The following DPYSL4 variants were observed in gnomAD, a reference collection of about 807,000 sequenced individuals.
DPYSL4 encodes the protein dihydropyrimidinase like 4.
DPYSL4 carries 43 observed loss-of-function variants against 63.4 expected under a neutral mutation model. The ratio of observed to expected loss-of-function variants is 0.68; its 90% CI spans 0.53 to 0.88. DPYSL4 has a LOEUF of 0.88. DPYSL4 is among the 40% of genes least tolerant of loss of function. The pLI is 0.00. For synonymous variants in DPYSL4, 353 were observed against 331.7 expected, an observed-to-expected ratio of 1.06 and a Z score of -0.70; for missense variants, 733 against 819.5, an observed-to-expected ratio of 0.89 and a Z score of 1.29.
At chr10:132,189,932 C>T (rs551588104) in intron 1 of DPYSL4, among the ~76,000 whole-genome samples, 1 of 152,358 alleles carries the variant, frequency 6.6e-6, no homozygotes, top group East Asian at 1.9e-4. Context: ...GCCTCTGGCA[C>T]CACCACCCCA....
chr10:132,192,491 G>A, intron 2 of DPYSL4, 167 bp from the exon 3 acceptor site: 1 of 1,381,432 alleles, frequency 7.2e-7, no homozygotes, highest in Non-Finnish European at 9.3e-7. Flanking sequence ...GTGATGCTTT[G>A]CTCCCTGGCA....
Position 132,186,994 on chromosome 10 carries a change from TCCCCCCGCCCGCCCGCCCGCCCGC to T in DPYSL4, c.-67_-44del. ...CCACGCACGCGTCCCGGCTCACGCG[TCCCCCCGCCCGCCCGCCCGCCCGC>T]CCGCCCCCGCTTGTGCCGCCCCTAC... On this transcript the variant is annotated 5_prime_UTR_variant, in exon 1 of 14. Coordinates refer to ENST00000338492, the MANE Select transcript of DPYSL4 (RefSeq NM_006426.3). 1.8e-5 allele frequency: 4 copies of T among 217,372 alleles called. No individual in the cohort carries two copies. Among genetic ancestry groups the T allele is most frequent in the African/African-American group, 3.3e-5 (1 of 30,502 alleles). The allele number at this position is 217,372 out of a possible 1,614,324, so 13.5% of individuals were successfully genotyped here. A position where few individuals can be genotyped will look rare whatever the true frequency, so the allele number is the denominator to read the frequency against.
chr10:132,200,275 G>C, intron 8 of DPYSL4, 81 bp from the exon 9 acceptor site: 2 of 1,538,782 alleles, frequency 1.3e-6, no homozygotes, highest in Non-Finnish European at 1.8e-6. Context: ...GGGCAGTCGT[G>C]GGTGTCAGCA....
intron 4 of DPYSL4, among the ~76,000 whole-genome samples, chr10:132,195,387 C>T (rs111432671): frequency 0.011 from 1,695 of 152,330 alleles, 29 homozygotes; most frequent in African/African-American, 0.038. Flanking sequence ...AATGCTAAAA[C>T]AGATCAGTCT....
intron 13 of DPYSL4, among the ~76,000 whole-genome samples, chr10:132,204,304 G>A (rs1366121482): frequency 3.9e-5 from 6 of 152,326 alleles, no homozygotes; most frequent in African/African-American, 1.2e-4. Flanking sequence ...AGAACCAAGC[G>A]TGAGGCACAA....
At chr10:132,187,895 G>T (rs2061826823) in intron 1 of DPYSL4, among the ~76,000 whole-genome samples, 1 of 152,226 alleles carries the variant, frequency 6.6e-6, no homozygotes, top group African/African-American at 2.4e-5. Flanking sequence ...TCGGGACCCG[G>T]CAGGACCTGG....
chr10:132,201,744 C>T (rs909252362), intron 10 of DPYSL4, among the ~76,000 whole-genome samples: 2 of 152,126 alleles, frequency 1.3e-5, no homozygotes, highest in African/African-American at 4.8e-5. Context: ...GGGGTCCCAG[C>T]GGTCCAGCAT....
rs772317961 is a variant in DPYSL4 at position 132,202,839 on chromosome 10, C to T, written c.1461+14C>T. 20 of 1,573,414 alleles carry T rather than the reference C, an allele frequency of 1.3e-5. No individual in the cohort carries two copies. In the East Asian group the frequency reaches 1.6e-4, roughly 12 times the overall value. On this transcript the variant is annotated intron_variant, in intron 12 of 13. Transcript: ENST00000338492. ...GCTCGCAACAGGGTAGGGCGGCACC[C>T]GCAAGGGTGTTGTGCAGGTAGGCAG...
chr10:132,198,457 G>T lies in DPYSL4; in HGVS notation c.664G>T (p.Gly222Cys), dbSNP rs2061972032. 6.2e-7 allele frequency: 1 copy of T among 1,606,486 alleles called. No individual in the cohort carries two copies. Among genetic ancestry groups the T allele is most frequent in the Non-Finnish European group, 8.5e-7 (1 of 1,178,268 alleles). ...GGAGCTCGGCATCACTGGCCCCGAG[G>T]GCCACGTGCTCAGCCACCCCGAGGA... ...LLELGITGPEGHVLSHPEEVE... is the reference protein window; with the variant it reads ...LLELGITGPECHVLSHPEEVE... The change falls in exon 7 of 14, where the codon GGC (glycine) becomes TGC (cysteine). Residue 222 changes from glycine to cysteine, a missense_variant. Coordinates refer to ENST00000338492, the MANE Select transcript of DPYSL4 (RefSeq NM_006426.3).
chr10:132,204,684 C>T (rs894371411), intron 13 of DPYSL4, among the ~76,000 whole-genome samples, 155 bp from the exon 14 acceptor site: 3 of 152,212 alleles, frequency 2.0e-5, no homozygotes, highest in Admixed American at 1.3e-4. Context: ...TCCTGCCGGG[C>T]ACCTGGTCTG....
intron 9 of DPYSL4, 79 bp downstream of exon 9, chr10:132,200,591 C>T: frequency 6.4e-7 from 1 of 1,553,542 alleles, no homozygotes. Context: ...ACACCCCAGG[C>T]CTCTCCCACG....
chr10:132,204,728 C>G (rs1347997706), intron 13 of DPYSL4, 111 bp from the exon 14 acceptor site: 1 of 863,860 alleles, frequency 1.2e-6, no homozygotes, highest in East Asian at 2.9e-5. Context: ...TGTGCGGGGG[C>G]TCTGCAGTCC....
intron 8 of DPYSL4, among the ~76,000 whole-genome samples, chr10:132,199,287 C>T (rs2061982437): frequency 6.6e-6 from 1 of 152,160 alleles, no homozygotes; most frequent in Non-Finnish European, 1.5e-5. Context: ...GAGAGAATTC[C>T]AGTTCCAACA....
intron 6 of DPYSL4, among the ~76,000 whole-genome samples, chr10:132,197,507 G>A (rs1157318491): frequency 4.6e-5 from 7 of 152,192 alleles, no homozygotes; most frequent in Non-Finnish European, 8.8e-5. Context: ...CCGGGCTGGG[G>A]AGGGCCTGAG....
chr10:132,187,024 C>T lies in DPYSL4; in HGVS notation c.-40C>T. ...CCGCCCGCCCGCCCGCCCGCCCGCC[C>T]CCGCTTGTGCCGCCCCTACCAGAGA... On this transcript the variant is annotated 5_prime_UTR_variant, in exon 1 of 14. Coordinates refer to ENST00000338492, the MANE Select transcript of DPYSL4 (RefSeq NM_006426.3). 3 of 469,202 alleles carry T rather than the reference C, an allele frequency of 6.4e-6. No individual in the cohort carries two copies. The highest frequency in any genetic ancestry group is 6.6e-6 in the Non-Finnish European group (2 of 304,036). 29.1% of individuals were successfully genotyped at this position (469,202 alleles called of 1,614,324 possible).
chr10:132,194,959 G>A lies in DPYSL4; in HGVS notation c.428G>A (p.Arg143Gln), dbSNP rs369493893. 7 of 1,610,608 alleles carry A rather than the reference G, an allele frequency of 4.3e-6. No homozygotes were observed. The highest frequency in any genetic ancestry group is 1.7e-5 in the Admixed American group (1 of 59,988). The change falls in exon 4 of 14, where the codon CGA becomes CAA. Residue 143 changes from arginine (R) to glutamine (Q), a missense_variant. Arg to Gln is a conservative substitution (Grantham distance 43). Coordinates refer to ENST00000338492, the MANE Select transcript of DPYSL4 (RefSeq NM_006426.3). ...CDYSLHVDIT[R>Q]WHESIKEELE... ...TACTCCCTGCACGTGGACATCACCCGATGGCATGAGAGCATCAAGGAGGAG... is the reference window on the plus strand; with the variant it reads ...TACTCCCTGCACGTGGACATCACCCAATGGCATGAGAGCATCAAGGAGGAG...
At chr10:132,193,424 C>T (rs2061902489) in intron 3 of DPYSL4, among the ~76,000 whole-genome samples, 1 of 152,258 alleles carries the variant, frequency 6.6e-6, no homozygotes, top group South Asian at 2.1e-4. Context: ...TCCTAAAACC[C>T]TCTGAGCTCA....
At chr10:132,200,609 T>C (rs2062001090) in intron 9 of DPYSL4, 97 bp downstream of exon 9, 12 of 1,504,276 alleles carry the variant, frequency 8.0e-6, no homozygotes, top group Middle Eastern at 1.8e-4. Flanking sequence ...ACGGCTCCCA[T>C]AGGGCAGCCC....
At chr10:132,196,808 G>A (rs1019020135) in intron 4 of DPYSL4, 53 bp from the exon 5 acceptor site, 11 of 1,601,680 alleles carry the variant, frequency 6.9e-6, no homozygotes, top group East Asian at 6.7e-5. Context: ...CAGAGGCTCC[G>A]TAGGTTGTCT....
Sources: allele counts gnomAD v4.1 joint callset (sites outside exome capture counted in the v4.1 genomes callset), GRCh38; gene constraint gnomAD v4.1.1; transcripts MANE v1.5; gene names NCBI Gene and HGNC (gene_info 2026-07-23, HGNC 2026-07-21).